Variants in LRPAP1 observed in about 807,000 individuals in gnomAD.
The protein encoded by LRPAP1 is alpha-2-macroglobulin receptor-associated protein.
Under a neutral mutation model 39.9 loss-of-function variants are expected in LRPAP1, and 41 were observed. That is an observed-to-expected ratio of 1.03 (90% CI 0.80 to 1.33). The LOEUF (loss-of-function observed/expected upper bound fraction) is 1.33, where lower values mean the gene tolerates loss of function less well. Among genes scored for constraint, LRPAP1 ranks in the 40% most tolerant of loss-of-function variants. The probability of loss-of-function intolerance (pLI) is 0.00; values close to 1 mark genes in which losing one functional copy is unlikely to be tolerated. For synonymous variants in LRPAP1, 263 were observed against 212.7 expected (o/e 1.24, Z -2.06); for missense variants, 565 against 482.3 (o/e 1.17, Z -1.61).
intron 1 of LRPAP1, among the ~76,000 whole-genome samples, chr4:3,531,604 T>C (rs537623971): frequency 3.9e-5 from 6 of 152,232 alleles, no homozygotes; most frequent in African/African-American, 1.4e-4. Flanking sequence ...GGGGGTGCCC[T>C]TTCCCCTCGG....
intron 2 of LRPAP1, among the ~76,000 whole-genome samples, chr4:3,524,114 T>C: frequency 6.6e-6 from 1 of 152,086 alleles, no homozygotes. Flanking sequence ...CCAACCCCAG[T>C]CCCACGGGCC....
At chr4:3,524,759 C>T (rs993994630) in intron 2 of LRPAP1, 148 bp downstream of exon 2, 10 of 938,188 alleles carry the variant, frequency 1.1e-5, no homozygotes, top group African/African-American at 4.9e-5. Context: ...TCAGGATGCT[C>T]GGGGAAAGGC....
Position 3,521,034 on chromosome 4 carries a change from G to A in LRPAP1, c.350-841C>T, listed in dbSNP as rs371892004. Among the ~76,000 whole-genome samples the A allele has an allele frequency of 5.3e-5, 8 of 152,226 alleles. No homozygotes were observed. In the East Asian group the frequency reaches 1.3e-3, roughly 26 times the overall value. ...CTGGGGGCTGGCCTCGCCCTCCACGGCAGTAGCTCTCCCCAGGCCCCAATT... is the reference window on the plus strand; with the variant it reads ...CTGGGGGCTGGCCTCGCCCTCCACGACAGTAGCTCTCCCCAGGCCCCAATT... On this transcript the variant is annotated intron_variant, in intron 2 of 7. Coordinates refer to ENST00000650182, the MANE Select transcript of LRPAP1 (RefSeq NM_002337.4).
chr4:3,524,851 C>T, intron 2 of LRPAP1, 56 bp downstream of exon 2: 2 of 1,591,542 alleles, frequency 1.3e-6, no homozygotes, highest in Non-Finnish European at 1.7e-6. Context: ...CACTGCCGCT[C>T]TCAAGCATTT....
At chr4:3,526,063 G>C (rs981054389) in intron 1 of LRPAP1, among the ~76,000 whole-genome samples, 5 of 152,256 alleles carry the variant, frequency 3.3e-5, no homozygotes, top group African/African-American at 1.2e-4. Context: ...GGTGGGACCA[G>C]GGTTCACGGA....
intron 3 of LRPAP1, 71 bp from the exon 4 acceptor site, chr4:3,519,062 C>T (rs1729825159): frequency 6.3e-7 from 1 of 1,579,708 alleles, no homozygotes; most frequent in East Asian, 2.3e-5. Context: ...TTCAGCCAAC[C>T]ACTCCTCATG....
intron 1 of LRPAP1, 54 bp from the exon 2 acceptor site, chr4:3,525,105 A>G: frequency 6.2e-7 from 1 of 1,603,616 alleles, no homozygotes; most frequent in Non-Finnish European, 8.5e-7. Flanking sequence ...ACCAGGACAC[A>G]GCGAGAAACT....
chr4:3,519,460 C>T (rs1729842218), intron 3 of LRPAP1, among the ~76,000 whole-genome samples: 1 of 152,244 alleles, frequency 6.6e-6, no homozygotes, highest in Admixed American at 6.5e-5. Flanking sequence ...CCCCCTTCTA[C>T]CGACTCCATC....
At position 3,520,178 on chromosome 4, in the gene LRPAP1, T is replaced by C. The variant is rs754773216; in HGVS notation, c.365A>G (p.Tyr122Cys). Residue 122 changes from tyrosine (Y) to cysteine (C), a missense_variant, in exon 3 of 8, where the codon TAT becomes TGT. Transcript: ENST00000650182. ...AGCGTCCTTCTTTCCGTCCAGACCATACTTGGCCAAGATGACTAGGAGAGA... is the reference window on the plus strand; with the variant it reads ...AGCGTCCTTCTTTCCGTCCAGACCACACTTGGCCAAGATGACTAGGAGAGA... ...IRNLNVILAK[Y>C]GLDGKKDARQ... The C allele has an allele frequency of 2.5e-6, 4 of 1,613,792 alleles. No individual in the cohort carries two copies. The African/African-American group carries it at 4.0e-5, about 16-fold the overall frequency.
chr4:3,507,906 T>C lies in LRPAP1; in HGVS notation c.*5068A>G, dbSNP rs932421020. 2 of 152,242 alleles carry C rather than the reference T, an allele frequency of 1.3e-5. No homozygotes were observed. Among genetic ancestry groups the C allele is most frequent in the South Asian group, 2.1e-4 (1 of 4,834 alleles). 9.4% of individuals were successfully genotyped at this position (152,242 alleles called of 1,614,324 possible). On this transcript the variant is annotated 3_prime_UTR_variant, in exon 8 of 8. Transcript: ENST00000650182. Reference sequence around the variant, plus strand: ...ATGGACATCACTGCACAGAGGATACTGTGAATGATTTATGTAAATTGTTTT... The same window carrying C: ...ATGGACATCACTGCACAGAGGATACCGTGAATGATTTATGTAAATTGTTTT...
At chr4:3,528,233 G>C (rs1039145534) in intron 1 of LRPAP1, among the ~76,000 whole-genome samples, 1 of 152,206 alleles carries the variant, frequency 6.6e-6, no homozygotes, top group Non-Finnish European at 1.5e-5. Flanking sequence ...ACATGAAGCA[G>C]CGAGGCAAAT....
At position 3,516,007 on chromosome 4, in the gene LRPAP1, A is replaced by G. The variant is rs1223879466; in HGVS notation, c.834+109T>C. 25 of 1,103,120 alleles carry G rather than the reference A, an allele frequency of 2.3e-5. No individual in the cohort carries two copies. The East Asian group carries it at 6.5e-4, about 29-fold the overall frequency. 68.3% of individuals were successfully genotyped at this position (1,103,120 alleles called of 1,614,324 possible). Reference sequence around the variant, plus strand: ...AGTGGTTAAGGAAGAAACTGCGAGAATCTTGAGAGAGAGAGCTTGGAGGAG... The same window carrying G: ...AGTGGTTAAGGAAGAAACTGCGAGAGTCTTGAGAGAGAGAGCTTGGAGGAG... On this transcript the variant is annotated intron_variant, in intron 6 of 7. Coordinates refer to ENST00000650182, the MANE Select transcript of LRPAP1 (RefSeq NM_002337.4).
intron 1 of LRPAP1, among the ~76,000 whole-genome samples, chr4:3,527,876 G>T (rs1029881427): frequency 1.3e-5 from 2 of 152,196 alleles, no homozygotes; most frequent in African/African-American, 4.8e-5. Flanking sequence ...GAGAATCAAG[G>T]GCAGGTGCTC....
In LRPAP1 at chr4:3,511,008, CAA is replaced by C. The variant is rs1397367162; in HGVS notation, c.*1964_*1965del. The C allele has an allele frequency of 6.6e-6, 1 of 152,256 alleles. No individual in the cohort carries two copies. Among genetic ancestry groups the C allele is most frequent in the African/African-American group, 2.4e-5 (1 of 41,430 alleles). 9.4% of individuals were successfully genotyped at this position (152,256 alleles called of 1,614,324 possible). ...CCTCAACACCATGGTCTCCCACATA[CAA>C]AAGAGGCCATTATACAGTAAGACAC... is the stretch of plus-strand genomic sequence containing the variant. On this transcript the variant is annotated 3_prime_UTR_variant, in exon 8 of 8. Coordinates refer to ENST00000650182, the MANE Select transcript of LRPAP1 (RefSeq NM_002337.4).
At chr4:3,529,435 G>A (rs909717666) in intron 1 of LRPAP1, among the ~76,000 whole-genome samples, 36 of 152,212 alleles carry the variant, frequency 2.4e-4, no homozygotes, top group African/African-American at 8.2e-4. Context: ...GTCCCTGAGC[G>A]CCGCAGCTGG....
intron 6 of LRPAP1, 65 bp downstream of exon 6, chr4:3,516,051 C>A (rs1729684823): frequency 4.8e-6 from 7 of 1,473,644 alleles, no homozygotes; most frequent in Non-Finnish European, 5.6e-6. Flanking sequence ...ATTTCCTTAC[C>A]CGGAAACTGC....
Position 3,525,752 on chromosome 4 carries a change from C to G in LRPAP1, c.205-701G>C, listed in dbSNP as rs914966321. ...ATTCATCCCACCCCTGCCCTCCCAG[C>G]TCTGGGACCCTGGGTGAGAGAAGGA... On this transcript the variant is annotated intron_variant, in intron 1 of 7. Transcript: ENST00000650182. 2.6e-5 allele frequency among the ~76,000 whole-genome samples: 4 copies of G among 152,376 alleles called. No individual in the cohort carries two copies. In the East Asian group the frequency reaches 5.8e-4, roughly 22 times the overall value.
At position 3,511,689 on chromosome 4, in the gene LRPAP1, T is replaced by TAC. The variant is rs1483287122; in HGVS notation, c.*1283_*1284dup. The stretch of plus-strand genomic sequence containing the variant: ...AGATCCAGCTGCAGTCAAAACACAA[T>TAC]ACGCCTGGTGGAGCCTCTTCCAGGT... On this transcript the variant is annotated 3_prime_UTR_variant, in exon 8 of 8. Coordinates refer to ENST00000650182, the MANE Select transcript of LRPAP1 (RefSeq NM_002337.4). 1 of 152,230 alleles carries TAC rather than the reference T, an allele frequency of 6.6e-6. No homozygotes were observed. The highest frequency in any genetic ancestry group is 2.4e-5 in the African/African-American group (1 of 41,426). 9.4% of individuals were successfully genotyped at this position (152,230 alleles called of 1,614,324 possible).
At chr4:3,523,724 A>AC (rs1729991612) in intron 2 of LRPAP1, among the ~76,000 whole-genome samples, 1 of 152,220 alleles carries the variant, frequency 6.6e-6, no homozygotes, top group Admixed American at 6.5e-5. Context: ...ACCAGAGACA[A>AC]CCCGGGCGCT....
Sources: allele counts gnomAD v4.1 joint callset (sites outside exome capture counted in the v4.1 genomes callset), GRCh38; gene constraint gnomAD v4.1.1; transcripts MANE v1.5; gene names NCBI Gene and HGNC (gene_info 2026-07-23, HGNC 2026-07-21).